The following RPE variants were observed in gnomAD, a reference collection of about 807,000 sequenced individuals.
RPE encodes ribulose-5-phosphate-3-epimerase.
In RPE, 16 loss-of-function variants were observed where a neutral mutation model predicts 24.6. The ratio of observed to expected loss-of-function variants is 0.65; its 90% CI spans 0.44 to 0.99. The LOEUF (loss-of-function observed/expected upper bound fraction) is 0.99, where lower values mean the gene tolerates loss of function less well. RPE is among the 50% of genes least tolerant of loss of function. The probability of loss-of-function intolerance (pLI) is 0.00; values close to 1 mark genes in which losing one functional copy is unlikely to be tolerated. For synonymous variants in RPE, 93 were observed against 98.4 expected (o/e 0.94, Z 0.33); for missense variants, 240 against 294.5 (o/e 0.81, Z 1.35).
intron 2 of RPE, among the ~76,000 whole-genome samples, chr2:210,013,714 T>C (rs2093731202): frequency 6.6e-6 from 1 of 152,094 alleles, no homozygotes; most frequent in Non-Finnish European, 1.5e-5. Context: ...TTTTTAAGAG[T>C]GTAAACTCCT....
chr2:210,016,236 GCA>G, intron 3 of RPE, 124 bp downstream of exon 3: 1 of 1,613,962 alleles, frequency 6.2e-7, no homozygotes, highest in Non-Finnish European at 8.5e-7. Context: ...AAGTGCAGTG[GCA>G]CAGTCAGGGC....
intron 2 of RPE, among the ~76,000 whole-genome samples, chr2:210,010,392 A>G (rs1281636180): frequency 6.6e-6 from 1 of 152,108 alleles, no homozygotes; most frequent in African/African-American, 2.4e-5. Flanking sequence ...TAAACATGAG[A>G]AATTTTACAC....
chr2:210,007,262 A>G (rs1184340885), intron 1 of RPE, among the ~76,000 whole-genome samples: 1 of 152,182 alleles, frequency 6.6e-6, no homozygotes, highest in Non-Finnish European at 1.5e-5. Flanking sequence ...TCTACCTGTC[A>G]TCTAACTGTG....
At chr2:210,009,121 A>T (rs1209314983) in intron 1 of RPE, among the ~76,000 whole-genome samples, 1 of 152,240 alleles carries the variant, frequency 6.6e-6, no homozygotes, top group Non-Finnish European at 1.5e-5. Context: ...TGAAGATGAA[A>T]TGAAGTAAAT....
chr2:210,011,627 T>C (rs769421320), intron 2 of RPE, among the ~76,000 whole-genome samples: 6 of 152,190 alleles, frequency 3.9e-5, no homozygotes, highest in Non-Finnish European at 7.4e-5. Context: ...ACTTTAATGT[T>C]TGGGTTTTGT....
chr2:210,008,442 C>T (rs1274365713), intron 1 of RPE, among the ~76,000 whole-genome samples: 1 of 151,508 alleles, frequency 6.6e-6, no homozygotes, highest in Non-Finnish European at 1.5e-5. Context: ...ATTATAGACG[C>T]ACGCCACCAC....
intron 5 of RPE, 183 bp downstream of exon 5, chr2:210,017,742 T>C (rs1244832849): frequency 1.1e-5 from 7 of 618,908 alleles, no homozygotes; most frequent in Non-Finnish European, 8.4e-6. Flanking sequence ...GCTTTTTTTT[T>C]TTTTTTTTTT....
intron 5 of RPE, chr2:210,018,196 A>G (rs1450927211): frequency 6.5e-7 from 1 of 1,534,808 alleles, no homozygotes; most frequent in South Asian, 1.2e-5. Context: ...GAAGTGAGAA[A>G]TTTTTCCAAA....
At chr2:210,016,450 A>G (rs1056125722) in intron 3 of RPE, 57 bp from the exon 4 acceptor site, 4 of 1,610,674 alleles carry the variant, frequency 2.5e-6, no homozygotes, top group East Asian at 2.2e-5. Context: ...CTATGCCACA[A>G]TAATATAATA....
At position 210,020,470 on chromosome 2, in the gene RPE, G is replaced by T. The variant is rs1003024921; in HGVS notation, c.*679G>T. 6.0e-6 allele frequency: 1 copy of T among 166,894 alleles called. No individual in the cohort carries two copies. The highest frequency in any genetic ancestry group is 1.5e-5 in the Non-Finnish European group (1 of 68,064). 10.3% of individuals were successfully genotyped at this position (166,894 alleles called of 1,614,324 possible). ...GTTAGCTCTGAGTAGAAAGGAAAAA[G>T]TAAAACCTCTGTTTGGAGGTAATAT... On this transcript the variant is annotated 3_prime_UTR_variant, in exon 6 of 6. Coordinates refer to ENST00000359429, the MANE Select transcript of RPE (RefSeq NM_199229.3).
chr2:210,012,502 A>G (rs1275956243), intron 2 of RPE, among the ~76,000 whole-genome samples: 7 of 152,256 alleles, frequency 4.6e-5, no homozygotes, highest in Non-Finnish European at 7.3e-5. Context: ...CAAAGTAGGA[A>G]GTGCATATAA....
intron 1 of RPE, among the ~76,000 whole-genome samples, chr2:210,005,876 T>A (rs933849388): frequency 6.6e-6 from 1 of 152,226 alleles, no homozygotes; most frequent in Non-Finnish European, 1.5e-5. Flanking sequence ...TTATAGCAAC[T>A]CTAATCCTCC....
Position 210,021,802 on chromosome 2 carries a change from G to A in RPE, c.*2011G>A, listed in dbSNP as rs190699655. 9 of 151,506 alleles carry A rather than the reference G, an allele frequency of 5.9e-5. No individual in the cohort carries two copies. Among genetic ancestry groups the A allele is most frequent in the Admixed American group, 3.3e-4 (5 of 15,142 alleles). The allele number at this position is 151,506 out of a possible 1,614,324, so 9.4% of individuals were successfully genotyped here. On this transcript the variant is annotated 3_prime_UTR_variant, in exon 6 of 6. Coordinates refer to ENST00000359429, the MANE Select transcript of RPE (RefSeq NM_199229.3). ...AAAAAATGGTTTAATAGCTTCAAAA[G>A]GAATTTTCTTTCATGTATACTCTTC...
intron 2 of RPE, among the ~76,000 whole-genome samples, chr2:210,014,693 TTTA>T (rs2093746614): frequency 6.6e-6 from 1 of 151,662 alleles, no homozygotes; most frequent in Non-Finnish European, 1.5e-5. Flanking sequence ...TAATCTTGAC[TTTA>T]TTAGTCAAGC....
chr2:210,018,222 G>T (rs1357566304), intron 5 of RPE: 1 of 1,532,712 alleles, frequency 6.5e-7, no homozygotes, highest in Non-Finnish European at 8.7e-7. Flanking sequence ...GAATTAAAAG[G>T]TACTACCAAG....
chr2:210,015,276 C>G (rs549861599), intron 2 of RPE, among the ~76,000 whole-genome samples: 10 of 152,274 alleles, frequency 6.6e-5, no homozygotes, highest in African/African-American at 1.9e-4. Flanking sequence ...CATTTTTCAC[C>G]TGGGTTATTG....
At chr2:210,006,077 T>G (rs1271578437) in intron 1 of RPE, among the ~76,000 whole-genome samples, 1 of 152,232 alleles carries the variant, frequency 6.6e-6, no homozygotes, top group Non-Finnish European at 1.5e-5. Context: ...CCTTTTTATT[T>G]TATTTTATTT....
intron 1 of RPE, among the ~76,000 whole-genome samples, chr2:210,006,805 A>G (rs2093637152): frequency 6.6e-6 from 1 of 152,208 alleles, no homozygotes; most frequent in Non-Finnish European, 1.5e-5. Context: ...CACAGCCCTG[A>G]CAATCATTGC....
intron 2 of RPE, among the ~76,000 whole-genome samples, chr2:210,012,406 G>T (rs749215076): frequency 1.3e-5 from 2 of 152,242 alleles, no homozygotes; most frequent in African/African-American, 2.4e-5. Flanking sequence ...TCATCATCAT[G>T]CATTTGCAAT....
Sources: allele counts gnomAD v4.1 joint callset (sites outside exome capture counted in the v4.1 genomes callset), GRCh38; gene constraint gnomAD v4.1.1; transcripts MANE v1.5; gene names NCBI Gene and HGNC (gene_info 2026-07-23, HGNC 2026-07-21).